The following SPATA18 variants were observed in gnomAD, a reference collection of about 807,000 sequenced individuals.
SPATA18 encodes the protein spermatogenesis associated 18.
Under a neutral mutation model 68.1 loss-of-function variants are expected in SPATA18, and 54 were observed. The ratio of observed to expected loss-of-function variants is 0.79; its 90% CI spans 0.64 to 0.99. The LOEUF is 0.99. Ranked by LOEUF, SPATA18 falls within the 50% of genes least tolerant of loss-of-function variation. The probability of loss-of-function intolerance (pLI) is 0.00; values close to 1 mark genes in which losing one functional copy is unlikely to be tolerated. For missense variants in SPATA18, 724 were observed against 681.1 expected (o/e 1.06, Z -0.70); for synonymous variants, 242 against 244.8 (o/e 0.99, Z 0.11).
chr4:52,078,975 C>T lies in SPATA18; in HGVS notation c.1179+82C>T, dbSNP rs533778431. ...GAGTACTAATAACTCAGAAATCCAT[C>T]CAGTATTTAGTATTAATTCTATGTA... On this transcript the variant is annotated intron_variant, in intron 8 of 12. Transcript: ENST00000295213. 1.9e-4 allele frequency: 249 copies of T among 1,341,124 alleles called. 2 individuals are homozygous for T. In the African/African-American group the frequency reaches 3.3e-3, roughly 18 times the overall value. The allele number at this position is 1,341,124 out of a possible 1,614,324, so 83.1% of individuals were successfully genotyped here.
At chr4:52,060,729 A>G in intron 2 of SPATA18, 53 bp from the exon 3 acceptor site, 3 of 1,445,718 alleles carry the variant, frequency 2.1e-6, no homozygotes, top group Non-Finnish European at 2.9e-6. Flanking sequence ...ACATATGTAT[A>G]CATGTGCCAT....
At chr4:52,055,109 A>G (rs1738224104) in intron 1 of SPATA18, among the ~76,000 whole-genome samples, 1 of 152,204 alleles carries the variant, frequency 6.6e-6, no homozygotes, top group Non-Finnish European at 1.5e-5. Flanking sequence ...CTCTTAGCCC[A>G]TATTTGTGTG....
chr4:52,079,272 A>G (rs1740694395), intron 8 of SPATA18, among the ~76,000 whole-genome samples: 5 of 152,182 alleles, frequency 3.3e-5, no homozygotes. Flanking sequence ...CTTAAGTGGG[A>G]GTAACACTGT....
At chr4:52,094,037 T>C (rs547054403) in intron 11 of SPATA18, among the ~76,000 whole-genome samples, 2 of 152,298 alleles carry the variant, frequency 1.3e-5, no homozygotes, top group African/African-American at 4.8e-5. Flanking sequence ...AGAGCAAGGA[T>C]GATGCTTGTA....
intron 1 of SPATA18, among the ~76,000 whole-genome samples, chr4:52,055,149 T>C (rs926436326): frequency 2.0e-5 from 3 of 152,194 alleles, no homozygotes; most frequent in Non-Finnish European, 2.9e-5. Flanking sequence ...AAAGAACATG[T>C]CTTTATGTTA....
intron 11 of SPATA18, among the ~76,000 whole-genome samples, chr4:52,091,991 T>C (rs1742002978): frequency 6.6e-6 from 1 of 152,200 alleles, no homozygotes; most frequent in African/African-American, 2.4e-5. Flanking sequence ...CCTAGCAGCT[T>C]TGTTTACACT....
chr4:52,060,584 CT>C (rs1738748007), intron 2 of SPATA18, 60 bp downstream of exon 2: 1 of 1,516,998 alleles, frequency 6.6e-7, no homozygotes, highest in Non-Finnish European at 9.1e-7. Context: ...TTTCTTGGTG[CT>C]TTTTTGTGTT....
intron 12 of SPATA18, 45 bp from the exon 13 acceptor site, chr4:52,094,835 C>T (rs367897804): frequency 4.7e-5 from 76 of 1,612,146 alleles, no homozygotes; most frequent in Non-Finnish European, 5.8e-5. Flanking sequence ...AAAAGAAAAT[C>T]GAAGAAAGTG....
At chr4:52,076,729 T>G (rs1322384584) in intron 6 of SPATA18, 50 bp from the exon 7 acceptor site, 1 of 1,597,102 alleles carries the variant, frequency 6.3e-7, no homozygotes, top group East Asian at 2.2e-5. Context: ...TTTGCTTTAC[T>G]TAAGAAGCAA....
At position 52,079,885 on chromosome 4, in the gene SPATA18, T is replaced by C. The variant is rs1333788487; in HGVS notation, c.1321T>C (p.Tyr441His). ...QALEPPLDIA[Y>H]GADGEVFNDC... ...CTTAGAACCACCCCTAGATATTGCA[T>C]ATGGAGCAGATGGAGAAGTTTTTAA... Residue 441 changes from tyrosine to histidine, a missense_variant, in exon 9 of 13, where the codon TAT (tyrosine) becomes CAT (histidine). Physicochemically the swap from Tyr to His is moderately conservative, Grantham distance 83. Coordinates refer to ENST00000295213, the MANE Select transcript of SPATA18 (RefSeq NM_145263.4). 8.7e-6 allele frequency: 14 copies of C among 1,613,654 alleles called. No homozygotes were observed. The highest frequency in any genetic ancestry group is 1.2e-5 in the Non-Finnish European group (14 of 1,179,798).
At chr4:52,069,744 TA>T in intron 4 of SPATA18, 76 bp from the exon 5 acceptor site, 1 of 1,049,592 alleles carries the variant, frequency 9.5e-7, no homozygotes, top group Non-Finnish European at 1.3e-6. Context: ...CAGAAGTTCC[TA>T]AGTGAGCCTC....
At position 52,079,603 on chromosome 4, in the gene SPATA18, G is replaced by A. The variant is rs539195618; in HGVS notation, c.1180-141G>A. 2.6e-4 allele frequency: 240 copies of A among 907,478 alleles called. No homozygotes were observed. The African/African-American group carries it at 3.3e-3, about 13-fold the overall frequency. 56.2% of individuals were successfully genotyped at this position (907,478 alleles called of 1,614,324 possible). A position where few individuals can be genotyped will look rare whatever the true frequency, so the allele number is the denominator to read the frequency against. On this transcript the variant is annotated intron_variant, in intron 8 of 12. Transcript: ENST00000295213. ...GGGTGGCAACATCTTTCTCCTTTTA[G>A]CACATTCACTGTTTTTCTGCTTTAA...
intron 6 of SPATA18, among the ~76,000 whole-genome samples, chr4:52,075,876 G>A (rs977168068): frequency 1.3e-5 from 2 of 152,134 alleles, no homozygotes; most frequent in Non-Finnish European, 2.9e-5. Context: ...TTCTTCATGG[G>A]AACAACAAGT....
intron 9 of SPATA18, among the ~76,000 whole-genome samples, chr4:52,081,643 A>G (rs958665555): frequency 1.3e-5 from 2 of 152,090 alleles, no homozygotes; most frequent in African/African-American, 4.8e-5. Context: ...GTGTTTATTC[A>G]TTTTGAATAC....
chr4:52,061,033 C>A, intron 3 of SPATA18, 136 bp downstream of exon 3: 1 of 700,126 alleles, frequency 1.4e-6, no homozygotes, highest in South Asian at 1.9e-5. Context: ...TTGGTGGTTT[C>A]CATGGGACGG....
chr4:52,093,341 G>A (rs1304048634), intron 11 of SPATA18, among the ~76,000 whole-genome samples: 1 of 152,128 alleles, frequency 6.6e-6, no homozygotes, highest in Non-Finnish European at 1.5e-5. Context: ...TGGGGTGGTA[G>A]TATTTAATTT....
chr4:52,079,080 A>G (rs1740675012), intron 8 of SPATA18, among the ~76,000 whole-genome samples, 187 bp downstream of exon 8: 2 of 152,176 alleles, frequency 1.3e-5, no homozygotes, highest in South Asian at 2.1e-4. Context: ...TAAACATATT[A>G]TAGGGAAAAA....
At chr4:52,066,731 A>G (rs1739348932) in intron 4 of SPATA18, among the ~76,000 whole-genome samples, 1 of 151,960 alleles carries the variant, frequency 6.6e-6, no homozygotes, top group African/African-American at 2.4e-5. Context: ...TTCAGCTCCC[A>G]CTTATGAGTG....
At position 52,060,470 on chromosome 4, in the gene SPATA18, G is replaced by T; in HGVS notation, c.139G>T (p.Val47Phe). ...CCATTGCCTTGAACTCATTGAGCAA[G>T]TTGCCAAGGTGCAGGGACAACTCTT... The part of the protein sequence containing the change: ...LNHCLELIEQ[V>F]AKVQGQLFGI... Residue 47 changes from valine (V) to phenylalanine (F), a missense_variant, in exon 2 of 13, where the codon GTT (valine) becomes TTT (phenylalanine). Val to Phe is a conservative substitution (Grantham distance 50). Transcript: ENST00000295213. 1 of 1,614,086 alleles carries T rather than the reference G, an allele frequency of 6.2e-7. No homozygotes were observed. The highest frequency in any genetic ancestry group is 8.5e-7 in the Non-Finnish European group (1 of 1,179,976).
Sources: allele counts gnomAD v4.1 joint callset (sites outside exome capture counted in the v4.1 genomes callset), GRCh38; gene constraint gnomAD v4.1.1; transcripts MANE v1.5; gene names NCBI Gene and HGNC (gene_info 2026-07-23, HGNC 2026-07-21).